RTL4: variants seen among roughly 807,000 people sequenced by gnomAD.
The protein encoded by RTL4 is retrotransposon Gag like 4, also known as retrotransposon Gag-like protein 4.
In RTL4, 4 loss-of-function variants were observed where a neutral mutation model predicts 5.3. The observed-to-expected ratio is 0.75, with a 90% CI of 0.37 to 1.72. The LOEUF (loss-of-function observed/expected upper bound fraction) is 1.72, where lower values mean the gene tolerates loss of function less well. RTL4 is among the 40% of genes most tolerant of loss of function. The probability of loss-of-function intolerance (pLI) is 0.04; values close to 1 mark genes in which losing one functional copy is unlikely to be tolerated. For missense variants in RTL4, 260 were observed against 227.1 expected, an observed-to-expected ratio of 1.14 and a Z score of -0.93; for synonymous variants, 98 against 87.3, an observed-to-expected ratio of 1.12 and a Z score of -0.68.
the RTL4 span, among the ~76,000 whole-genome samples, chrX:112,341,991 G>A: frequency 1.8e-5 from 2 of 111,363 alleles, no homozygotes; most frequent in Non-Finnish European, 3.8e-5. Flanking sequence ...CTTCTCCAGA[G>A]GGTATTTGCA....
the RTL4 span, among the ~76,000 whole-genome samples, chrX:112,193,304 A>C: frequency 9.0e-6 from 1 of 111,105 alleles, no homozygotes; most frequent in Non-Finnish European, 1.9e-5. Flanking sequence ...CAAATCTACT[A>C]TTCTAGTTAT....
the RTL4 span, among the ~76,000 whole-genome samples, chrX:112,314,628 A>C: frequency 9.2e-6 from 1 of 109,035 alleles, no homozygotes; most frequent in African/African-American, 3.3e-5. Flanking sequence ...AAATGCTTAA[A>C]TGATATAATT....
chrX:112,296,588 T>TTTTTC, the RTL4 span, among the ~76,000 whole-genome samples: 5 of 106,552 alleles, frequency 4.7e-5, no homozygotes, highest in South Asian at 4.1e-4. Context: ...TTGAGAATCC[T>TTTTTC]TTTTCTTTTC....
At chrX:112,242,468 A>G in the RTL4 span, among the ~76,000 whole-genome samples, 5 of 111,257 alleles carry the variant, frequency 4.5e-5, no homozygotes, top group African/African-American at 1.6e-4. Flanking sequence ...ATTGTGATTG[A>G]GAGTTTACTC....
At chrX:112,352,036 T>C in the RTL4 span, among the ~76,000 whole-genome samples, 1 of 111,709 alleles carries the variant, frequency 9.0e-6, no homozygotes, top group Non-Finnish European at 1.9e-5. Context: ...TAGTGTTTCC[T>C]TCAGGAGCTC....
At chrX:112,456,386 G>T (rs778853143) in exon 1 of RTL4, 3 of 306,950 alleles carry the variant, frequency 9.8e-6, no homozygotes, top group Non-Finnish European at 1.8e-5. Flanking sequence ...CTTTTTCTTT[G>T]CAGGCTAGCC....
chrX:112,445,534 T>A, the RTL4 span, among the ~76,000 whole-genome samples: 1 of 111,716 alleles, frequency 9.0e-6, no homozygotes, highest in Non-Finnish European at 1.9e-5. Flanking sequence ...CTTGGCCAAG[T>A]TCTTATGGAT....
the RTL4 span, among the ~76,000 whole-genome samples, chrX:112,159,601 GGT>G: frequency 8.9e-6 from 1 of 112,071 alleles, no homozygotes; most frequent in South Asian, 3.7e-4. Context: ...GACTGGCCAA[GGT>G]AAGGTGAACA....
the RTL4 span, among the ~76,000 whole-genome samples, chrX:112,434,726 A>G: frequency 7.1e-5 from 8 of 111,937 alleles, no homozygotes; most frequent in South Asian, 2.2e-3. Flanking sequence ...ACCAGAAACC[A>G]GAAGTAAAGC....
chrX:112,127,774 A>G, the RTL4 span, among the ~76,000 whole-genome samples: 1 of 111,993 alleles, frequency 8.9e-6, no homozygotes, highest in Admixed American at 9.5e-5. Context: ...CTGTATACCC[A>G]CACTAAGCAA....
the RTL4 span, among the ~76,000 whole-genome samples, chrX:112,294,443 A>G: frequency 9.0e-6 from 1 of 110,754 alleles, no homozygotes; most frequent in African/African-American, 3.3e-5. Flanking sequence ...TAAAAATACA[A>G]AAAAAATTAG....
the RTL4 span, among the ~76,000 whole-genome samples, chrX:112,161,450 T>A: frequency 8.9e-6 from 1 of 111,772 alleles, no homozygotes; most frequent in East Asian, 2.8e-4. Flanking sequence ...GCAAAATCAT[T>A]CCCCCTTCTT....
the RTL4 span, among the ~76,000 whole-genome samples, chrX:112,390,098 T>TTA: frequency 1.5e-3 from 75 of 48,578 alleles, 4 homozygotes; most frequent in Middle Eastern, 0.017. Flanking sequence ...GTTGGGGCAT[T>TTA]TATATATAAT....
the RTL4 span, among the ~76,000 whole-genome samples, chrX:112,386,877 T>C: frequency 8.9e-6 from 1 of 111,855 alleles, no homozygotes; most frequent in Admixed American, 9.5e-5. Context: ...TACCCAGTAG[T>C]GGGATTTCTG....
chrX:112,346,637 G>A, the RTL4 span, among the ~76,000 whole-genome samples: 1 of 110,961 alleles, frequency 9.0e-6, no homozygotes, highest in African/African-American at 3.3e-5. Flanking sequence ...ATACCATTTG[G>A]CAATCACAAT....
At chrX:112,292,645 T>C in the RTL4 span, among the ~76,000 whole-genome samples, 7 of 111,573 alleles carry the variant, frequency 6.3e-5, no homozygotes, top group South Asian at 2.7e-3. Context: ...AAATAAAAAA[T>C]TCCATGTACT....
the RTL4 span, among the ~76,000 whole-genome samples, chrX:112,174,180 A>G: frequency 5.6e-4 from 57 of 101,590 alleles, no homozygotes; most frequent in African/African-American, 1.6e-3. Flanking sequence ...TGCTGCACCC[A>G]CTAACTCACC....
chrX:112,389,199 T>A, the RTL4 span, among the ~76,000 whole-genome samples: 1 of 110,868 alleles, frequency 9.0e-6, no homozygotes, highest in Non-Finnish European at 1.9e-5. Context: ...CTAGGTTTTC[T>A]AGTTTGTGTG....
the RTL4 span, among the ~76,000 whole-genome samples, chrX:112,112,189 C>G: frequency 8.9e-6 from 1 of 112,018 alleles, no homozygotes; most frequent in Non-Finnish European, 1.9e-5. Flanking sequence ...TGGGGTTGTC[C>G]CACGAGTCTA....
Sources: allele counts gnomAD v4.1 joint callset (sites outside exome capture counted in the v4.1 genomes callset), GRCh38; gene constraint gnomAD v4.1.1; transcripts MANE v1.5; gene names NCBI Gene and HGNC (gene_info 2026-07-23, HGNC 2026-07-21).